MED30: variants seen among roughly 807,000 people sequenced by gnomAD.
MED30 encodes the protein mediator complex subunit 30, also known as mediator of RNA polymerase II transcription subunit 30.
In MED30, 8 loss-of-function variants were observed where a neutral mutation model predicts 21.7. That is an observed-to-expected ratio of 0.37 (90% CI 0.22 to 0.67). MED30 has a LOEUF of 0.67. Ranked by LOEUF, MED30 falls within the 30% of genes least tolerant of loss-of-function variation. The pLI, the probability that MED30 is intolerant of heterozygous loss-of-function variation, is 0.58. For missense variants in MED30, 203 were observed against 228.2 expected (o/e 0.89, Z 0.71); for synonymous variants, 79 against 86.7 (o/e 0.91, Z 0.49).
At chr8:117,531,975 C>G (rs766144817) in intron 3 of MED30, among the ~76,000 whole-genome samples, 5 of 151,894 alleles carry the variant, frequency 3.3e-5, no homozygotes, top group Non-Finnish European at 5.9e-5. Context: ...AAGACTGATA[C>G]CATGCTCTTA....
intron 1 of MED30, 151 bp downstream of exon 1, chr8:117,521,204 C>T (rs148381675): frequency 5.7e-6 from 4 of 702,400 alleles, no homozygotes; most frequent in Admixed American, 7.8e-5. Flanking sequence ...CAAGAGTGTC[C>T]CCAAAAGTCG....
At chr8:117,524,594 T>C (rs961837822) in intron 1 of MED30, among the ~76,000 whole-genome samples, 3 of 152,222 alleles carry the variant, frequency 2.0e-5, no homozygotes, top group Admixed American at 2.0e-4. Context: ...TTCTGTTTAT[T>C]ATTCTTTGAA....
Position 117,528,725 on chromosome 8 carries a change from A to G in MED30, c.252A>G (p.Gln84=), listed in dbSNP as rs1818755623. The G allele has an allele frequency of 6.2e-7, 1 of 1,611,722 alleles. No individual in the cohort carries two copies. The highest frequency in any genetic ancestry group is 8.5e-7 in the Non-Finnish European group (1 of 1,178,660). Residue 84 remains glutamine (Q), a synonymous_variant, in exon 2 of 4, where the codon CAA becomes CAG. Coordinates refer to ENST00000297347, the MANE Select transcript of MED30 (RefSeq NM_080651.4). ...CAAAGCTACAGGATAATCTTCGCCA[A>G]CTTTCAGTTCTCTTCAGGAAGCTGA... The part of the protein sequence containing the change: ...RLTKLQDNLR[Q]LSVLFRKLRL...
intron 3 of MED30, among the ~76,000 whole-genome samples, chr8:117,531,209 C>G (rs967965445): frequency 6.6e-6 from 1 of 152,014 alleles, no homozygotes; most frequent in Non-Finnish European, 1.5e-5. Context: ...ATTTAGAGAA[C>G]TATCCCAGCA....
At chr8:117,535,752 A>T (rs1563791260) in intron 3 of MED30, among the ~76,000 whole-genome samples, 1 of 152,082 alleles carries the variant, frequency 6.6e-6, no homozygotes. Flanking sequence ...TTATGTAAAT[A>T]TAGGTTTGCT....
At chr8:117,529,254 A>G (rs553475949) in intron 2 of MED30, among the ~76,000 whole-genome samples, 2 of 152,010 alleles carry the variant, frequency 1.3e-5, no homozygotes, top group South Asian at 2.1e-4. Flanking sequence ...TTAAAAATAT[A>G]TTCTCTAAAT....
intron 3 of MED30, among the ~76,000 whole-genome samples, chr8:117,539,201 G>A (rs1052204768): frequency 1.3e-5 from 2 of 152,156 alleles, no homozygotes; most frequent in African/African-American, 4.8e-5. Context: ...AAGTTTCATA[G>A]TGAAGGATCT....
chr8:117,527,726 C>G (rs1220352130), intron 1 of MED30, among the ~76,000 whole-genome samples: 1 of 150,216 alleles, frequency 6.7e-6, no homozygotes, highest in Admixed American at 6.6e-5. Context: ...GACTGATCAC[C>G]TAGCTATTAT....
chr8:117,531,081 A>G (rs1314415400), intron 3 of MED30, among the ~76,000 whole-genome samples: 12 of 151,954 alleles, frequency 7.9e-5, no homozygotes, highest in Admixed American at 7.9e-4. Flanking sequence ...GTCACAATCC[A>G]TTTACTTTTT....
At chr8:117,521,772 G>T (rs1195309360) in intron 1 of MED30, among the ~76,000 whole-genome samples, 1 of 151,902 alleles carries the variant, frequency 6.6e-6, no homozygotes, top group African/African-American at 2.4e-5. Context: ...GCTGAGTAAT[G>T]TTCCATTGTA....
rs767559370 is a variant in MED30, at chr8:117,520,871, C to T, written c.-6C>T. 2.5e-6 allele frequency: 4 copies of T among 1,584,822 alleles called. No homozygotes were observed. The East Asian group carries it at 9.2e-5, about 37-fold the overall frequency. ...GCCCCTTCCGGCCTGAAGCTGCAGC[C>T]GCGCCATGTCCACCCCTCCGTTGGC... On this transcript the variant is annotated 5_prime_UTR_variant, in exon 1 of 4. Coordinates refer to ENST00000297347, the MANE Select transcript of MED30 (RefSeq NM_080651.4).
At chr8:117,523,236 T>C (rs1475835440) in intron 1 of MED30, 2 of 991,202 alleles carry the variant, frequency 2.0e-6, no homozygotes, top group South Asian at 1.3e-5. Flanking sequence ...TGTAAGTTTA[T>C]TCAATGCAAA....
intron 1 of MED30, among the ~76,000 whole-genome samples, chr8:117,528,108 T>C (rs929106522): frequency 2.0e-5 from 3 of 151,856 alleles, no homozygotes; most frequent in African/African-American, 7.3e-5. Flanking sequence ...TCTCCTGCTA[T>C]TGATTTTTTT....
intron 3 of MED30, among the ~76,000 whole-genome samples, chr8:117,535,360 C>G (rs1467812383): frequency 6.6e-6 from 1 of 150,804 alleles, no homozygotes; most frequent in Non-Finnish European, 1.5e-5. Flanking sequence ...TCCTGAGTAG[C>G]TGGGGTTACA....
At chr8:117,537,404 A>G (rs893489485) in intron 3 of MED30, among the ~76,000 whole-genome samples, 2 of 152,208 alleles carry the variant, frequency 1.3e-5, no homozygotes, top group African/African-American at 4.8e-5. Context: ...TTAGCCTCTA[A>G]TAAGCATAAG....
intron 3 of MED30, among the ~76,000 whole-genome samples, chr8:117,539,672 C>T (rs1818945563): frequency 6.6e-6 from 1 of 152,170 alleles, no homozygotes; most frequent in Non-Finnish European, 1.5e-5. Flanking sequence ...GGGCTGGGGC[C>T]ATAGACCTCT....
At chr8:117,523,385 T>C in intron 1 of MED30, 1 of 1,550,174 alleles carries the variant, frequency 6.5e-7, no homozygotes, top group Non-Finnish European at 8.9e-7. Context: ...CGTCTGTAGG[T>C]ATCTCTGTCG....
intron 3 of MED30, among the ~76,000 whole-genome samples, 162 bp downstream of exon 3, chr8:117,530,989 G>T (rs1455458338): frequency 6.6e-6 from 1 of 152,064 alleles, no homozygotes; most frequent in East Asian, 1.9e-4. Flanking sequence ...TGAAAGGTAA[G>T]CAGAAATGCT....
Position 117,521,009 on chromosome 8 carries a change from G to A in MED30, c.133G>A (p.Val45Met). 6.2e-7 allele frequency: 1 copy of A among 1,608,000 alleles called. No individual in the cohort carries two copies. Among genetic ancestry groups the A allele is most frequent in the Non-Finnish European group, 8.5e-7 (1 of 1,176,416 alleles). Residue 45 changes from valine to methionine, a missense_variant, in exon 1 of 4, where the codon GTG (valine) becomes ATG (methionine). Physicochemically the swap from Val to Met is conservative, Grantham distance 21. Transcript: ENST00000297347. ...RIGQETVQDI[V>M]YRTMEIFQLL... is the part of the protein sequence containing the mutation. Reference sequence around the variant, plus strand: ...CGGGCAGGAGACAGTGCAGGACATCGTGTACCGCACCATGGAGATCTTCCA... The same window carrying A: ...CGGGCAGGAGACAGTGCAGGACATCATGTACCGCACCATGGAGATCTTCCA...
Sources: gnomAD v4.1 joint callset for allele counts (sites outside exome capture counted in the v4.1 genomes callset) on GRCh38, gnomAD v4.1.1 for gene constraint, MANE v1.5 for transcripts, NCBI Gene and HGNC (gene_info 2026-07-23, HGNC 2026-07-21) for gene names.